The following LRRC69 variants were observed in gnomAD, a reference collection of about 807,000 sequenced individuals.
The protein encoded by LRRC69 is leucine rich repeat containing 69, also known as leucine-rich repeat-containing protein 69.
In LRRC69, 42 loss-of-function variants were observed where a neutral mutation model predicts 37.8. The observed-to-expected ratio is 1.11, with a 90% CI of 0.87 to 1.44. The LOEUF (loss-of-function observed/expected upper bound fraction) is 1.44, where lower values mean the gene tolerates loss of function less well. Ranked by LOEUF, LRRC69 falls within the 40% of genes most tolerant of loss-of-function variation. The pLI is 0.00. For missense variants in LRRC69, 357 were observed against 401.9 expected, an observed-to-expected ratio of 0.89 and a Z score of 0.96; for synonymous variants, 141 against 143.1, an observed-to-expected ratio of 0.99 and a Z score of 0.11.
At chr8:91,161,176 A>G (rs1331358888) in intron 5 of LRRC69, among the ~76,000 whole-genome samples, 1 of 151,336 alleles carries the variant, frequency 6.6e-6, no homozygotes, top group African/African-American at 2.4e-5. Flanking sequence ...TCATTTTGAT[A>G]TACTGTTGGA....
chr8:91,180,551 A>G (rs536923647), intron 5 of LRRC69, among the ~76,000 whole-genome samples: 19 of 152,172 alleles, frequency 1.2e-4, no homozygotes, highest in Non-Finnish European at 2.4e-4. Flanking sequence ...AGGGGAGGAG[A>G]ATTAGGCTCT....
chr8:91,158,741 C>A, intron 5 of LRRC69: 1 of 925,522 alleles, frequency 1.1e-6, no homozygotes, highest in Non-Finnish European at 1.8e-6. Flanking sequence ...ATGAAGACAC[C>A]AAGTCTGGCT....
At chr8:91,176,713 G>A (rs78771025) in intron 5 of LRRC69, among the ~76,000 whole-genome samples, 8 of 152,074 alleles carry the variant, frequency 5.3e-5, no homozygotes, top group African/African-American at 1.9e-4. Flanking sequence ...TGATGTCCTA[G>A]TTCAGTCAGA....
chr8:91,196,077 A>T (rs1809594397), intron 6 of LRRC69, among the ~76,000 whole-genome samples: 1 of 152,044 alleles, frequency 6.6e-6, no homozygotes. Context: ...TTGTCTGTAA[A>T]GTATTTTATT....
At chr8:91,130,797 T>C (rs1813795485) in intron 3 of LRRC69, 1 of 152,044 alleles carries the variant, frequency 6.6e-6, no homozygotes. Context: ...TTCTGGAAGT[T>C]GGGAAGTGAA....
chr8:91,189,601 A>C, exon 6 of LRRC69: 1 of 1,551,206 alleles, frequency 6.4e-7, no homozygotes, highest in Non-Finnish European at 8.7e-7. Context: ...TCTACACAGC[A>C]GGAGAACGTC....
chr8:91,148,421 T>C (rs1459214663), intron 5 of LRRC69, among the ~76,000 whole-genome samples: 2 of 151,950 alleles, frequency 1.3e-5, no homozygotes, highest in Non-Finnish European at 2.9e-5. Flanking sequence ...CTCATCATTT[T>C]TTATGGCTGC....
chr8:91,203,509 C>T (rs991356142), intron 7 of LRRC69, among the ~76,000 whole-genome samples: 4 of 151,740 alleles, frequency 2.6e-5, no homozygotes, highest in Non-Finnish European at 4.4e-5. Flanking sequence ...TCTCCTGCCT[C>T]GGCCTCTCAA....
intron 1 of LRRC69, among the ~76,000 whole-genome samples, chr8:91,113,727 A>T (rs1813451947): frequency 6.6e-6 from 1 of 151,892 alleles, no homozygotes; most frequent in African/African-American, 2.4e-5. Context: ...TTTAAAACTA[A>T]AAACCTGCAC....
intron 5 of LRRC69, among the ~76,000 whole-genome samples, chr8:91,153,112 ATC>A: frequency 6.6e-6 from 1 of 151,498 alleles, no homozygotes; most frequent in Middle Eastern, 3.4e-3. Flanking sequence ...ACCAACAAAA[ATC>A]AAAAAAGAAA....
intron 7 of LRRC69, among the ~76,000 whole-genome samples, chr8:91,207,366 G>A (rs929872771): frequency 6.6e-6 from 1 of 152,194 alleles, no homozygotes; most frequent in Non-Finnish European, 1.5e-5. Flanking sequence ...CATATAGTAG[G>A]TGCTTAATAA....
Position 91,200,790 on chromosome 8 carries a change from A to T in LRRC69, c.931A>T (p.Lys311Ter). 6.5e-7 allele frequency: 1 copy of T among 1,528,840 alleles called. No individual in the cohort carries two copies. The highest frequency in any genetic ancestry group is 8.8e-7 in the Non-Finnish European group (1 of 1,140,240). The allele number at this position is 1,528,840 out of a possible 1,614,324, so 94.7% of individuals were successfully genotyped here. The change falls in exon 7 of 8, where the codon AAG becomes TAG. Residue 311 changes from lysine to a stop codon, truncating the protein, a stop_gained and splice_region_variant. Coordinates refer to ENST00000448384, the Ensembl canonical transcript of LRRC69. LOFTEE classifies it high-confidence loss of function. ...ATGTGTTCGATTTGTTCCTCCACCA[A>T]AGGTAAATGATGCTTTTTATGCGAA...
intron 2 of LRRC69, among the ~76,000 whole-genome samples, chr8:91,126,543 A>G (rs1813715936): frequency 6.6e-6 from 1 of 151,996 alleles, no homozygotes. Flanking sequence ...GAGCTGGCTG[A>G]ATGGTGGTGG....
chr8:91,107,294 C>T (rs1813334060), intron 1 of LRRC69, among the ~76,000 whole-genome samples: 1 of 151,508 alleles, frequency 6.6e-6, no homozygotes, highest in Non-Finnish European at 1.5e-5. Flanking sequence ...GCCACCATGC[C>T]TGGCTAATTT....
At position 91,145,037 on chromosome 8, in the gene LRRC69, AATTG is replaced by A. The variant is rs1291186652; in HGVS notation, c.651+9304_651+9307del. 3.3e-5 allele frequency among the ~76,000 whole-genome samples: 5 copies of A among 151,950 alleles called. No individual in the cohort carries two copies. The South Asian group carries it at 6.2e-4, about 19-fold the overall frequency. On this transcript the variant is annotated intron_variant, in intron 5 of 7. Transcript: ENST00000448384. ...TGCATTAACAGAAATATTTCTGTGA[AATTG>A]ATTGAACACTTGGAGAATGTCTATT...
At chr8:91,104,193 C>T (rs1444898573) in intron 1 of LRRC69, among the ~76,000 whole-genome samples, 1 of 151,860 alleles carries the variant, frequency 6.6e-6, no homozygotes, top group Non-Finnish European at 1.5e-5. Context: ...ACCTTTATTT[C>T]TTCCTTCATC....
intron 3 of LRRC69, among the ~76,000 whole-genome samples, chr8:91,128,826 G>A (rs1223791312): frequency 6.6e-6 from 1 of 151,846 alleles, no homozygotes; most frequent in Non-Finnish European, 1.5e-5. Context: ...CAGTGGATTT[G>A]GGCAAAGCAT....
In LRRC69 at chr8:91,202,907, G is replaced by A. The variant is rs537507994; in HGVS notation, c.933+2115G>A. 5.3e-5 allele frequency among the ~76,000 whole-genome samples: 8 copies of A among 152,286 alleles called. No individual in the cohort carries two copies. The East Asian group carries it at 1.2e-3, about 22-fold the overall frequency. ...CTAGACCAGCTGAGAGATGATGATC[G>A]CAGTGGCAATGGAGGGAAATTATGG... On this transcript the variant is annotated intron_variant, in intron 7 of 7. Coordinates refer to ENST00000448384, the Ensembl canonical transcript of LRRC69.
chr8:91,185,695 AT>A (rs1391469763), intron 5 of LRRC69, among the ~76,000 whole-genome samples: 3 of 152,172 alleles, frequency 2.0e-5, no homozygotes, highest in African/African-American at 7.2e-5. Flanking sequence ...TAGTATTAAT[AT>A]CCTTTAGAGT....
Sources: allele counts gnomAD v4.1 joint callset (sites outside exome capture counted in the v4.1 genomes callset), GRCh38; gene constraint gnomAD v4.1.1; transcripts MANE v1.5; gene names NCBI Gene and HGNC (gene_info 2026-07-23, HGNC 2026-07-21).